Variants in PDZD2 observed in about 807,000 individuals in gnomAD.
PDZD2 encodes PDZ domain containing 2.
PDZD2 carries 90 observed loss-of-function variants against 220.7 expected under a neutral mutation model. The observed-to-expected ratio is 0.41, with a 90% CI of 0.34 to 0.49. The LOEUF (loss-of-function observed/expected upper bound fraction) is 0.49. Ranked by LOEUF, PDZD2 falls within the 20% of genes least tolerant of loss-of-function variation. The probability of loss-of-function intolerance (pLI) is 0.28; values close to 1 mark genes in which losing one functional copy is unlikely to be tolerated. For synonymous variants in PDZD2, 1,375 were observed against 1,450.5 expected, an observed-to-expected ratio of 0.95 and a Z score of 1.18; for missense variants, 3,174 against 3,608.5, an observed-to-expected ratio of 0.88 and a Z score of 3.08.
intron 2 of PDZD2, among the ~76,000 whole-genome samples, chr5:31,907,371 C>T (rs921537386): frequency 2.0e-5 from 3 of 152,204 alleles, no homozygotes; most frequent in Admixed American, 2.0e-4. Context: ...GTACTAATCC[C>T]TTCATGGGGT....
intron 3 of PDZD2, among the ~76,000 whole-genome samples, chr5:31,986,803 G>T (rs754742255): frequency 1.3e-5 from 2 of 152,056 alleles, no homozygotes; most frequent in Non-Finnish European, 2.9e-5. Flanking sequence ...ATTTTTGTTT[G>T]TCAGGTACTT....
chr5:31,807,063 T>A (rs1754774194), intron 2 of PDZD2, among the ~76,000 whole-genome samples: 1 of 151,684 alleles, frequency 6.6e-6, no homozygotes, highest in African/African-American at 2.4e-5. Context: ...GCCTCTTGAG[T>A]AGCTGGGATT....
At chr5:32,061,205 T>G (rs1034273712) in intron 14 of PDZD2, 71 bp downstream of exon 14, 3 of 1,503,936 alleles carry the variant, frequency 2.0e-6, no homozygotes, top group Non-Finnish European at 2.8e-6. Flanking sequence ...TACTCTTTGG[T>G]GAGATGGTTT....
Position 31,983,435 on chromosome 5 carries a change from G to A in PDZD2, c.757G>A (p.Gly253Ser), listed in dbSNP as rs376072858. 6.0e-5 allele frequency: 97 copies of A among 1,614,074 alleles called. No individual in the cohort carries two copies. The African/African-American group carries it at 9.1e-4, about 15-fold the overall frequency. ...TGACCCCAGCACTGAGCTGGAGAAC[G>A]GCCCTGACCCTGAACTTGGAAACGG... ...SSDPSTELEN[G>S]PDPELGNGHV... The change falls in exon 3 of 25, where the codon GGC (glycine) becomes AGC (serine). Residue 253 changes from glycine (G) to serine (S), a missense_variant. By Grantham distance (56) the Gly-to-Ser change is moderately conservative. This residue lies in a region of PDZD2 where 632 missense variants were observed against 708.1 expected (regional missense o/e 0.89). Coordinates refer to ENST00000438447, the MANE Select transcript of PDZD2 (RefSeq NM_178140.4).
intron 7 of PDZD2, among the ~76,000 whole-genome samples, chr5:32,040,351 C>T (rs1460551318): frequency 4.0e-5 from 6 of 151,190 alleles, no homozygotes; most frequent in African/African-American, 1.5e-4. Context: ...AGGAGCCCCT[C>T]TGCCTGGCCG....
At position 32,087,362 on chromosome 5, in the gene PDZD2, C is replaced by G; in HGVS notation, c.3914C>G (p.Thr1305Ser). The change falls in exon 20 of 25, where the codon ACT (threonine) becomes AGT (serine). Residue 1305 changes from threonine to serine, a missense_variant. By Grantham distance (58) the Thr-to-Ser change is moderately conservative. This residue lies in a region of PDZD2 where 1,861 missense variants were observed against 2,001.0 expected (regional missense o/e 0.93). Coordinates refer to ENST00000438447, the MANE Select transcript of PDZD2 (RefSeq NM_178140.4). The surrounding 1 kb of genome is among the most constrained non-coding windows in gnomAD (Gnocchi z 4.0). ...GCGGCTCCCCCTGACTACAGCAAGA[C>G]TCGATCAGCATCGGAAACCAGCACA... Reference protein sequence around the residue: ...KAAAPPDYSKTRSASETSTPH... With the variant: ...KAAAPPDYSKSRSASETSTPH... 1 of 1,614,070 alleles carries G rather than the reference C, an allele frequency of 6.2e-7. No individual in the cohort carries two copies.
chr5:31,835,636 T>C (rs905087483), intron 2 of PDZD2, among the ~76,000 whole-genome samples: 1 of 150,342 alleles, frequency 6.7e-6, no homozygotes, highest in Non-Finnish European at 1.5e-5. Context: ...AAAAAATGTA[T>C]CTTTTAGCTT....
chr5:31,963,734 G>A (rs1357087343), intron 2 of PDZD2, among the ~76,000 whole-genome samples: 1 of 152,344 alleles, frequency 6.6e-6, no homozygotes, highest in South Asian at 2.1e-4. Context: ...CAAAACAAGA[G>A]TCCAACATTG....
intron 2 of PDZD2, among the ~76,000 whole-genome samples, chr5:31,874,515 C>G (rs1234528223): frequency 6.6e-6 from 1 of 152,034 alleles, no homozygotes; most frequent in Non-Finnish European, 1.5e-5. Flanking sequence ...AATCCCAGCA[C>G]TTTGGGAGGC....
In PDZD2 at chr5:31,741,167, T is replaced by C. The variant is rs184963646; in HGVS notation, c.-360-57722T>C. 8.0e-5 allele frequency among the ~76,000 whole-genome samples: 12 copies of C among 150,154 alleles called. No homozygotes were observed. The Admixed American group carries it at 8.0e-4, about 10-fold the overall frequency. ...TGTACAAGCTTTAAAATTGCACTTA[T>C]AGTCAGATCTTGTACAATAGTGTGT... On this transcript the variant is annotated intron_variant, in intron 1 of 24. Coordinates refer to ENST00000438447, the MANE Select transcript of PDZD2 (RefSeq NM_178140.4).
intron 1 of PDZD2, among the ~76,000 whole-genome samples, chr5:31,730,554 TTGTGTGTG>T (rs35119904): frequency 5.1e-4 from 71 of 140,500 alleles, no homozygotes; most frequent in Non-Finnish European, 9.5e-4. Flanking sequence ...CACCAGGAGT[TTGTGTGTG>T]TGTGTGTGTG....
chr5:31,885,711 A>G (rs1438430763), intron 2 of PDZD2, among the ~76,000 whole-genome samples: 2 of 152,224 alleles, frequency 1.3e-5, no homozygotes, highest in Non-Finnish European at 2.9e-5. Context: ...AGTATAGCAT[A>G]AGTACACTAT....
At position 31,778,595 on chromosome 5, in the gene PDZD2, G is replaced by A. The variant is rs554395526; in HGVS notation, c.-360-20294G>A. ...TCACTCCTGAAGCCAGCGAGACCATGAACCCACCAGCAGGAAGAAACTCCG... is the reference window on the plus strand; with the variant it reads ...TCACTCCTGAAGCCAGCGAGACCATAAACCCACCAGCAGGAAGAAACTCCG... On this transcript the variant is annotated intron_variant, in intron 1 of 24. Coordinates refer to ENST00000438447, the MANE Select transcript of PDZD2 (RefSeq NM_178140.4). Among the ~76,000 whole-genome samples the A allele has an allele frequency of 1.2e-3, 177 of 152,270 alleles. 7 individuals are homozygous for A. In the South Asian group the frequency reaches 0.035, roughly 30 times the overall value.
In PDZD2 at chr5:31,681,333, G is replaced by A. The variant is rs1746642786; in HGVS notation, c.-361+41896G>A. Among the ~76,000 whole-genome samples the A allele has an allele frequency of 3.3e-5, 5 of 152,114 alleles. 1 individual carries two copies. In the South Asian group the frequency reaches 1.0e-3, roughly 32 times the overall value. On this transcript the variant is annotated intron_variant, in intron 1 of 24. Coordinates refer to ENST00000438447, the MANE Select transcript of PDZD2 (RefSeq NM_178140.4). ...ACAATCTCGGCTCACTGCAACCCCC[G>A]CCTCCCAGGTTCAAGCAATTCTCAT...
At chr5:31,793,521 T>C (rs566261629) in intron 1 of PDZD2, among the ~76,000 whole-genome samples, 1 of 152,238 alleles carries the variant, frequency 6.6e-6, no homozygotes, top group South Asian at 2.1e-4. Flanking sequence ...AAAAGCTTTA[T>C]AATGGCTGGA....
intron 2 of PDZD2, among the ~76,000 whole-genome samples, chr5:31,921,686 T>C (rs948097824): frequency 2.0e-5 from 3 of 151,994 alleles, no homozygotes; most frequent in Non-Finnish European, 4.4e-5. Context: ...TGAGACCCCA[T>C]CTCAAAAAAA....
chr5:31,696,987 A>C (rs1476091223), intron 1 of PDZD2, among the ~76,000 whole-genome samples: 1 of 152,222 alleles, frequency 6.6e-6, no homozygotes. Context: ...CCACTGCCAG[A>C]GACTTCAGAA....
rs1754613222 is a variant in PDZD2 at position 32,025,825 on chromosome 5, C to T, written c.1408-11406C>T. Reference sequence around the variant, plus strand: ...TATGTTGCCCAGGCTGGTCTCAACCCCTGACCTCAAGTGATCCACCTGCCT... The same window carrying T: ...TATGTTGCCCAGGCTGGTCTCAACCTCTGACCTCAAGTGATCCACCTGCCT... On this transcript the variant is annotated intron_variant, in intron 6 of 24. Coordinates refer to ENST00000438447, the MANE Select transcript of PDZD2 (RefSeq NM_178140.4). Among the ~76,000 whole-genome samples, 5 of 150,922 alleles carry T rather than the reference C, an allele frequency of 3.3e-5. No individual in the cohort carries two copies. In the South Asian group the frequency reaches 1.0e-3, roughly 32 times the overall value.
In PDZD2 at chr5:31,983,644, C is replaced by G; in HGVS notation, c.966C>G (p.Asp322Glu). 6.2e-7 allele frequency: 1 copy of G among 1,612,994 alleles called. No individual in the cohort carries two copies. Among genetic ancestry groups the G allele is most frequent in the Non-Finnish European group, 8.5e-7 (1 of 1,179,182 alleles). ...GGAAGACGGACTTCCAATCGAGTGA[C>G]TGCCTGGCACGGGTAAGGTTTGGTT... The part of the protein sequence containing the change: ...KGGKTDFQSS[D>E]CLAREEVGRI... The change falls in exon 3 of 25, where the codon GAC (aspartate) becomes GAG (glutamate). Residue 322 changes from aspartate to glutamate, a missense_variant. By Grantham distance (45) the Asp-to-Glu change is conservative. Transcript: ENST00000438447.
Sources: allele counts gnomAD v4.1 joint callset (sites outside exome capture counted in the v4.1 genomes callset), GRCh38; gene constraint gnomAD v4.1.1; regional missense constraint gnomAD v4.1.1; non-coding constraint Gnocchi (gnomAD v3.1); transcripts MANE v1.5; gene names NCBI Gene and HGNC (gene_info 2026-07-23, HGNC 2026-07-21).